The following ULK4 variants were observed in gnomAD, a reference collection of about 807,000 sequenced individuals.
The protein encoded by ULK4 is unc-51 like kinase 4, also known as inactive serine/threonine-protein kinase ULK4.
A neutral mutation model predicts 160.6 loss-of-function variants in ULK4; 133 were observed. The observed-to-expected ratio is 0.83, with a 90% CI of 0.72 to 0.96. ULK4 has a LOEUF of 0.96. Among genes scored for constraint, ULK4 ranks in the 40% least tolerant of loss-of-function variants. The probability of loss-of-function intolerance (pLI) is 0.00; values close to 1 mark genes in which losing one functional copy is unlikely to be tolerated. For missense variants in ULK4, 1,580 were observed against 1,499.5 expected, an observed-to-expected ratio of 1.05 and a Z score of -0.89; for synonymous variants, 534 against 539.8, an observed-to-expected ratio of 0.99 and a Z score of 0.15.
intron 35 of ULK4, among the ~76,000 whole-genome samples, chr3:41,367,428 G>A (rs2081273932): frequency 6.6e-6 from 1 of 152,176 alleles, no homozygotes; most frequent in South Asian, 2.1e-4. Context: ...ATGGCTCTGG[G>A]GGACCAGGAC....
intron 35 of ULK4, among the ~76,000 whole-genome samples, chr3:41,354,051 T>C (rs936601466): frequency 2.0e-5 from 3 of 152,134 alleles, no homozygotes; most frequent in Non-Finnish European, 2.9e-5. Context: ...AGCTGGCAAA[T>C]AGGCAGAGAG....
intron 32 of ULK4, among the ~76,000 whole-genome samples, chr3:41,529,663 C>G (rs1230857561): frequency 6.6e-6 from 1 of 152,034 alleles, no homozygotes; most frequent in African/African-American, 2.4e-5. Flanking sequence ...TCTTTTTCCC[C>G]CATATTTTTA....
intron 30 of ULK4, among the ~76,000 whole-genome samples, chr3:41,626,426 G>A (rs750440378): frequency 1.7e-4 from 26 of 151,974 alleles, no homozygotes; most frequent in Non-Finnish European, 2.8e-4. Context: ...AGCACAAATT[G>A]ATCTTAAGAT....
chr3:41,900,832 G>A lies in ULK4; in HGVS notation c.1183-3C>T, dbSNP rs1382140354. 1.2e-6 allele frequency: 2 copies of A among 1,609,308 alleles called. No homozygotes were observed. The highest frequency in any genetic ancestry group is 1.3e-5 in the African/African-American group (1 of 74,752). On this transcript the variant is annotated splice_region_variant and splice_polypyrimidine_tract_variant and intron_variant, in intron 12 of 36. Transcript: ENST00000301831. The stretch of plus-strand genomic sequence containing the variant: ...TGACTCAGGTGTCCACTTGTAATCT[G>A]AAATGAGAACAAAAATTAGACTTTG...
At chr3:41,783,455 T>G (rs1313801974) in intron 21 of ULK4, among the ~76,000 whole-genome samples, 3 of 151,496 alleles carry the variant, frequency 2.0e-5, no homozygotes, top group African/African-American at 7.3e-5. Context: ...AAGAATTGCT[T>G]GAACCAGGAG....
intron 35 of ULK4, among the ~76,000 whole-genome samples, chr3:41,277,324 T>C (rs1376967310): frequency 2.0e-5 from 3 of 152,192 alleles, no homozygotes; most frequent in Admixed American, 1.3e-4. Context: ...CCGATATCCC[T>C]GATGAACATA....
chr3:41,460,735 T>G (rs2083663652), intron 33 of ULK4, among the ~76,000 whole-genome samples: 1 of 152,162 alleles, frequency 6.6e-6, no homozygotes, highest in Non-Finnish European at 1.5e-5. Flanking sequence ...CATGATACAG[T>G]AACCACTTAT....
intron 34 of ULK4, among the ~76,000 whole-genome samples, chr3:41,431,549 T>A (rs1381731667): frequency 7.7e-6 from 1 of 129,978 alleles, no homozygotes; most frequent in African/African-American, 3.0e-5. Flanking sequence ...TTCCCTCCCT[T>A]TTTTTTTTTT....
At chr3:41,313,339 C>T (rs141672937) in intron 35 of ULK4, among the ~76,000 whole-genome samples, 23 of 152,280 alleles carry the variant, frequency 1.5e-4, no homozygotes, top group African/African-American at 5.5e-4. Flanking sequence ...ATGTAATGTG[C>T]TTAAATCAGT....
intron 22 of ULK4, among the ~76,000 whole-genome samples, chr3:41,728,224 C>G (rs1284843267): frequency 2.6e-5 from 4 of 152,080 alleles, no homozygotes; most frequent in African/African-American, 4.8e-5. Context: ...AAAGCAATGC[C>G]TGGGGATGGG....
chr3:41,687,010 G>A (rs573327999), intron 27 of ULK4, among the ~76,000 whole-genome samples: 3 of 152,186 alleles, frequency 2.0e-5, no homozygotes, highest in Admixed American at 6.5e-5. Context: ...TTGAGCCCAG[G>A]AATTCGAGGT....
At chr3:41,644,442 T>G (rs2034383192) in intron 30 of ULK4, among the ~76,000 whole-genome samples, 1 of 152,216 alleles carries the variant, frequency 6.6e-6, no homozygotes, top group African/African-American at 2.4e-5. Flanking sequence ...CTGCATCTAT[T>G]GAGATAATCA....
chr3:41,669,520 C>T (rs2035460328), intron 29 of ULK4, among the ~76,000 whole-genome samples: 1 of 152,126 alleles, frequency 6.6e-6, no homozygotes, highest in African/African-American at 2.4e-5. Context: ...GGCCTCCCAA[C>T]CTGCTGAGAC....
intron 35 of ULK4, among the ~76,000 whole-genome samples, chr3:41,251,969 T>A (rs1241114494): frequency 6.6e-6 from 1 of 152,142 alleles, no homozygotes; most frequent in Non-Finnish European, 1.5e-5. Flanking sequence ...CCGATCCCAA[T>A]AGCATGCCCC....
intron 2 of ULK4, among the ~76,000 whole-genome samples, chr3:41,949,884 C>T (rs1335838416): frequency 1.3e-5 from 2 of 151,618 alleles, no homozygotes; most frequent in African/African-American, 2.4e-5. Context: ...GTAAAGCACA[C>T]ACCACTATGC....
intron 32 of ULK4, among the ~76,000 whole-genome samples, chr3:41,518,877 C>T (rs1290976953): frequency 6.6e-6 from 1 of 152,230 alleles, no homozygotes; most frequent in African/African-American, 2.4e-5. Context: ...ACTATGAAAG[C>T]ACTTACAGAG....
intron 31 of ULK4, among the ~76,000 whole-genome samples, chr3:41,598,550 C>A (rs1296948351): frequency 6.6e-6 from 1 of 152,130 alleles, no homozygotes; most frequent in African/African-American, 2.4e-5. Context: ...GAATTCTTCA[C>A]ACGTAAATCA....
chr3:41,559,633 T>C (rs1478428419), intron 32 of ULK4, among the ~76,000 whole-genome samples: 4 of 152,166 alleles, frequency 2.6e-5, no homozygotes, highest in Non-Finnish European at 5.9e-5. Flanking sequence ...CCAGTGATGA[T>C]GAGCATTTTG....
At chr3:41,959,280 C>G (rs1189212852) in intron 1 of ULK4, among the ~76,000 whole-genome samples, 1 of 150,192 alleles carries the variant, frequency 6.7e-6, no homozygotes, top group Non-Finnish European at 1.5e-5. Flanking sequence ...CAGAGAATTG[C>G]TTGGACCCGG....
Sources: allele counts gnomAD v4.1 joint callset (sites outside exome capture counted in the v4.1 genomes callset), GRCh38; gene constraint gnomAD v4.1.1; transcripts MANE v1.5; gene names NCBI Gene and HGNC (gene_info 2026-07-23, HGNC 2026-07-21).